The following ANKIB1 variants were observed in gnomAD, a reference collection of about 807,000 sequenced individuals.
The protein encoded by ANKIB1 is ankyrin repeat and IBR domain-containing protein 1.
A neutral mutation model predicts 122.1 loss-of-function variants in ANKIB1; 43 were observed. That is an observed-to-expected ratio of 0.35 (90% confidence interval 0.28 to 0.45). The LOEUF is 0.45. ANKIB1 is among the 20% of genes least tolerant of loss of function. The pLI, the probability that ANKIB1 is intolerant of heterozygous loss-of-function variation, is 1.00. For synonymous variants in ANKIB1, 390 were observed against 442.0 expected (o/e 0.88, Z 1.48); for missense variants, 992 against 1,329.5 (o/e 0.75, Z 3.95).
chr7:92,299,688 C>T (rs1802423048), intron 2 of ANKIB1, among the ~76,000 whole-genome samples: 1 of 152,120 alleles, frequency 6.6e-6, no homozygotes, highest in Admixed American at 6.5e-5. Context: ...CAATGCCGCT[C>T]TTTTCACTTA....
intron 1 of ANKIB1, among the ~76,000 whole-genome samples, chr7:92,265,643 T>C (rs1801656579): frequency 6.6e-6 from 1 of 151,976 alleles, no homozygotes; most frequent in Admixed American, 6.6e-5. Context: ...GTTGTTAGGG[T>C]AAGAGGTGAA....
chr7:92,345,981 A>G (rs1177580964), intron 7 of ANKIB1, among the ~76,000 whole-genome samples: 4 of 152,170 alleles, frequency 2.6e-5, no homozygotes, highest in Non-Finnish European at 4.4e-5. Flanking sequence ...TTTGATATCT[A>G]TATACAAGCT....
chr7:92,247,624 C>G (rs1192746671), intron 1 of ANKIB1, among the ~76,000 whole-genome samples: 1 of 152,124 alleles, frequency 6.6e-6, no homozygotes, highest in African/African-American at 2.4e-5. Flanking sequence ...TCAAACTGCT[C>G]CTGCAGAACT....
chr7:92,265,812 T>C (rs1801660702), intron 1 of ANKIB1, among the ~76,000 whole-genome samples: 1 of 152,032 alleles, frequency 6.6e-6, no homozygotes, highest in South Asian at 2.1e-4. Flanking sequence ...GGAGGAAGAA[T>C]AGGTTGGTGG....
chr7:92,276,912 G>A (rs997031325), intron 1 of ANKIB1, among the ~76,000 whole-genome samples: 1 of 152,182 alleles, frequency 6.6e-6, no homozygotes, highest in Non-Finnish European at 1.5e-5. Context: ...TTGAAGTTGG[G>A]CCTGGTGGAA....
chr7:92,344,480 C>T (rs1803499120), intron 6 of ANKIB1, among the ~76,000 whole-genome samples: 1 of 152,044 alleles, frequency 6.6e-6, no homozygotes, highest in Non-Finnish European at 1.5e-5. Flanking sequence ...GCTGGGATTA[C>T]AGGTGTGAGC....
intron 1 of ANKIB1, among the ~76,000 whole-genome samples, chr7:92,267,070 T>C (rs1035224897): frequency 6.6e-6 from 1 of 152,132 alleles, no homozygotes; most frequent in Non-Finnish European, 1.5e-5. Context: ...CAGATTGCAG[T>C]GAGTTGAAGA....
chr7:92,326,589 C>T (rs1366564692), intron 4 of ANKIB1, among the ~76,000 whole-genome samples: 1 of 152,098 alleles, frequency 6.6e-6, no homozygotes, highest in African/African-American at 2.4e-5. Context: ...TTTCTAGAAG[C>T]AATGTATGAC....
intron 1 of ANKIB1, among the ~76,000 whole-genome samples, chr7:92,287,525 G>A (rs1260384124): frequency 6.6e-6 from 1 of 152,126 alleles, no homozygotes. Flanking sequence ...ATGTCAGTAG[G>A]TTACAGGTGG....
chr7:92,400,097 T>G lies in ANKIB1; in HGVS notation c.*1148T>G, dbSNP rs1381026488. ...TTCAATGTCTCTTCTGAAGTAACTA[T>G]GCTATGAATTGCAAAGACCTCCATA... On this transcript the variant is annotated 3_prime_UTR_variant, in exon 20 of 20. Coordinates refer to ENST00000265742, the MANE Select transcript of ANKIB1 (RefSeq NM_019004.2). The G allele has an allele frequency of 6.6e-6, 1 of 152,250 alleles. No homozygotes were observed. Among genetic ancestry groups the G allele is most frequent in the East Asian group, 1.9e-4 (1 of 5,204 alleles). The allele number at this position is 152,250 out of a possible 1,614,324, so 9.4% of individuals were successfully genotyped here.
intron 2 of ANKIB1, among the ~76,000 whole-genome samples, chr7:92,297,717 A>G (rs1476297292): frequency 6.6e-6 from 1 of 152,050 alleles, no homozygotes; most frequent in Non-Finnish European, 1.5e-5. Context: ...GATTAATTTT[A>G]CTAAAGCATA....
chr7:92,378,501 ACAAT>A, intron 11 of ANKIB1, among the ~76,000 whole-genome samples: 1 of 151,768 alleles, frequency 6.6e-6, no homozygotes, highest in South Asian at 2.1e-4. Context: ...AAAAAAATCA[ACAAT>A]CATTCTTTAT....
At chr7:92,396,183 T>C (rs1804885814) in intron 17 of ANKIB1, 182 bp from the exon 18 acceptor site, 1 of 582,530 alleles carries the variant, frequency 1.7e-6, no homozygotes. Flanking sequence ...GAAAACTTTC[T>C]TTTTCCATTT....
chr7:92,266,014 A>G (rs546234512), intron 1 of ANKIB1, among the ~76,000 whole-genome samples: 2 of 152,330 alleles, frequency 1.3e-5, no homozygotes, highest in South Asian at 4.1e-4. Flanking sequence ...ATGTAGTTGA[A>G]GAAGTAGGTG....
At chr7:92,305,872 G>A (rs544938829) in intron 2 of ANKIB1, among the ~76,000 whole-genome samples, 5 of 152,290 alleles carry the variant, frequency 3.3e-5, no homozygotes, top group South Asian at 4.1e-4. Flanking sequence ...TTTACTGCCC[G>A]TGAGATATGT....
In ANKIB1 at chr7:92,400,580, G is replaced by A. The variant is rs1241042775; in HGVS notation, c.*1631G>A. ...CACAAGAGATGTGATTATGGGTTTT[G>A]ATTACTTTTTTTTTTTCCAAACCCT... On this transcript the variant is annotated 3_prime_UTR_variant, in exon 20 of 20. Coordinates refer to ENST00000265742, the MANE Select transcript of ANKIB1 (RefSeq NM_019004.2). 6.6e-6 allele frequency: 1 copy of A among 151,558 alleles called. No individual in the cohort carries two copies. The highest frequency in any genetic ancestry group is 1.5e-5 in the Non-Finnish European group (1 of 67,868). 9.4% of individuals were successfully genotyped at this position (151,558 alleles called of 1,614,324 possible). A position where few individuals can be genotyped will look rare whatever the true frequency, so the allele number is the denominator to read the frequency against.
intron 2 of ANKIB1, among the ~76,000 whole-genome samples, chr7:92,296,149 G>T (rs1802351606): frequency 6.6e-6 from 1 of 151,974 alleles, no homozygotes; most frequent in Admixed American, 6.6e-5. Flanking sequence ...GTTTCTGTCT[G>T]CCATGTCCAT....
intron 8 of ANKIB1, among the ~76,000 whole-genome samples, chr7:92,351,964 G>A (rs1342156200): frequency 1.3e-5 from 2 of 151,710 alleles, no homozygotes; most frequent in East Asian, 1.9e-4. Flanking sequence ...TAGGTGATCC[G>A]CCTGCCTCAG....
chr7:92,388,007 A>T lies in ANKIB1; in HGVS notation c.1872A>T (p.Glu624Asp). 1 of 1,580,098 alleles carries T rather than the reference A, an allele frequency of 6.3e-7. No homozygotes were observed. The highest frequency in any genetic ancestry group is 8.6e-7 in the Non-Finnish European group (1 of 1,161,846). ...AACGCCTTCTTAAAACAGCCAAAGA[A>T]AAGATGGAGCAATTGAGCAGAGCTC... ...LEQRLLKTAK[E>D]KMEQLSRALK... The change falls in exon 14 of 20, where the codon GAA (glutamate) becomes GAT (aspartate). Residue 624 changes from glutamate (E) to aspartate (D), a missense_variant. Physicochemically the swap from Glu to Asp is conservative, Grantham distance 45. Transcript: ENST00000265742.
Sources: allele counts gnomAD v4.1 joint callset (sites outside exome capture counted in the v4.1 genomes callset), GRCh38; gene constraint gnomAD v4.1.1; transcripts MANE v1.5; gene names NCBI Gene and HGNC (gene_info 2026-07-23, HGNC 2026-07-21).